The following ATRN variants were observed in gnomAD, a reference collection of about 807,000 sequenced individuals.
ATRN encodes attractin, also known as attractin-2.
Under a neutral mutation model 178.7 loss-of-function variants are expected in ATRN, and 54 were observed. The observed-to-expected ratio is 0.30, with a 90% CI of 0.24 to 0.38. ATRN has a LOEUF of 0.38. Ranked by LOEUF, ATRN falls within the 10% of genes least tolerant of loss-of-function variation. The pLI is 1.00. For synonymous variants in ATRN, 636 were observed against 663.0 expected, an observed-to-expected ratio of 0.96 and a Z score of 0.63; for missense variants, 1,443 against 1,815.1, an observed-to-expected ratio of 0.79 and a Z score of 3.73.
At chr20:3,620,935 C>T (rs2086892440) in intron 24 of ATRN, among the ~76,000 whole-genome samples, 1 of 152,200 alleles carries the variant, frequency 6.6e-6, no homozygotes, top group African/African-American at 2.4e-5. Context: ...GCTTTGAATG[C>T]AGCCCAACAC....
intron 1 of ATRN, among the ~76,000 whole-genome samples, chr20:3,521,135 T>C (rs1273031037): frequency 6.6e-6 from 1 of 152,108 alleles, no homozygotes; most frequent in Non-Finnish European, 1.5e-5. Flanking sequence ...GTTGAAAAAC[T>C]ACCTATTAGG....
At chr20:3,501,765 A>G (rs893944986) in intron 1 of ATRN, among the ~76,000 whole-genome samples, 10 of 152,212 alleles carry the variant, frequency 6.6e-5, no homozygotes, top group African/African-American at 2.2e-4. Flanking sequence ...ATGTGCGGCT[A>G]AGAGATTGAG....
intron 1 of ATRN, among the ~76,000 whole-genome samples, chr20:3,517,740 C>T (rs942024821): frequency 6.6e-6 from 1 of 151,572 alleles, no homozygotes; most frequent in Non-Finnish European, 1.5e-5. Flanking sequence ...CACTGCACTC[C>T]AGCCTGGGTG....
At position 3,565,311 on chromosome 20, in the gene ATRN, G is replaced by A. The variant is rs745310012; in HGVS notation, c.1787-37G>A. 1.1e-5 allele frequency: 17 copies of A among 1,514,166 alleles called. No individual in the cohort carries two copies. The African/African-American group carries it at 2.3e-4, about 21-fold the overall frequency. 93.8% of individuals were successfully genotyped at this position (1,514,166 alleles called of 1,614,324 possible). A position where few individuals can be genotyped will look rare whatever the true frequency, so the allele number is the denominator to read the frequency against. ...ATGTCAGGTCCTGTTGATTAGAAAT[G>A]GTAGTCCGTTTAAAAATATATTTTT... On this transcript the variant is annotated intron_variant, in intron 10 of 28. Transcript: ENST00000262919.
chr20:3,605,288 C>T (rs780944669), intron 24 of ATRN, among the ~76,000 whole-genome samples: 9 of 152,144 alleles, frequency 5.9e-5, no homozygotes, highest in Non-Finnish European at 1.2e-4. Context: ...GAAACAGGAA[C>T]GCTTTTACAC....
Position 3,540,253 on chromosome 20 carries a change from C to T in ATRN, c.526C>T (p.His176Tyr). The change falls in exon 3 of 29, where the codon CAT (histidine) becomes TAT (tyrosine). Residue 176 changes from histidine to tyrosine, a missense_variant. Physicochemically the swap from His to Tyr is moderately conservative, Grantham distance 83. Coordinates refer to ENST00000262919, the MANE Select transcript of ATRN (RefSeq NM_139321.3). ...TAGAATAATGAGACTTCGTTTCAAT[C>T]ATTTTGCTACAGAGTGTAGTTGGGA... The part of the protein sequence containing the change: ...PNRIMRLRFN[H>Y]FATECSWDHL... The T allele has an allele frequency of 6.2e-7, 1 of 1,602,934 alleles. No individual in the cohort carries two copies. The highest frequency in any genetic ancestry group is 8.5e-7 in the Non-Finnish European group (1 of 1,175,144).
rs1269362899 is a variant in ATRN, at chr20:3,493,068, A to G, written c.410+21551A>G. On this transcript the variant is annotated intron_variant, in intron 1 of 28. Coordinates refer to ENST00000262919, the MANE Select transcript of ATRN (RefSeq NM_139321.3). ...TAATTATATATGTATTATAGATTAT[A>G]TATTATATATAATTTAATATATATA... Among the ~76,000 whole-genome samples the G allele has an allele frequency of 5.5e-5, 8 of 146,526 alleles. No individual in the cohort carries two copies. In the Admixed American group the frequency reaches 5.5e-4, roughly 10 times the overall value.
intron 1 of ATRN, among the ~76,000 whole-genome samples, chr20:3,519,006 T>TATATATAAAAA (rs770584938): frequency 8.4e-6 from 1 of 119,492 alleles, no homozygotes; most frequent in African/African-American, 3.4e-5. Context: ...TCCTTATATA[T>TATATATAAAAA]AAAAAAAAAA....
intron 1 of ATRN, among the ~76,000 whole-genome samples, chr20:3,487,303 G>A (rs551418876): frequency 4.6e-5 from 7 of 152,026 alleles, no homozygotes; most frequent in African/African-American, 1.7e-4. Flanking sequence ...GCATGATCTC[G>A]GCTCACTGCA....
At chr20:3,494,751 G>GC (rs544696050) in intron 1 of ATRN, among the ~76,000 whole-genome samples, 111 of 152,298 alleles carry the variant, frequency 7.3e-4, no homozygotes, top group African/African-American at 2.5e-3. Flanking sequence ...TGGAAATACA[G>GC]CTTGGGCAGT....
At chr20:3,573,758 TTTTATTTA>T (rs34471940) in intron 12 of ATRN, among the ~76,000 whole-genome samples, 5,761 of 149,670 alleles carry the variant, frequency 0.038, 146 homozygotes, top group Non-Finnish European at 0.056. Context: ...TTTTATTTTA[TTTTATTTA>T]TTTATTTATT....
chr20:3,513,551 C>A (rs1179343105), intron 1 of ATRN, among the ~76,000 whole-genome samples: 1 of 152,126 alleles, frequency 6.6e-6, no homozygotes, highest in Non-Finnish European at 1.5e-5. Context: ...GTGATGCCTC[C>A]AGCTTTGTTC....
At chr20:3,622,594 A>G (rs1373058660) in intron 24 of ATRN, among the ~76,000 whole-genome samples, 7 of 152,248 alleles carry the variant, frequency 4.6e-5, no homozygotes, top group Admixed American at 4.6e-4. Flanking sequence ...TTGTCAGTCA[A>G]AGGTTGACCA....
In ATRN at chr20:3,651,010, TA is replaced by T. The variant is rs1407221378; in HGVS notation, c.*4165del. 1 of 152,648 alleles carries T rather than the reference TA, an allele frequency of 6.6e-6. No homozygotes were observed. The highest frequency in any genetic ancestry group is 1.5e-5 in the Non-Finnish European group (1 of 68,038). 9.5% of individuals were successfully genotyped at this position (152,648 alleles called of 1,614,324 possible). ...CTAATTTAAGCAGGAACAAGAGAAC[TA>T]AGGGAGGTCTGTGCATTTTAAACAC... On this transcript the variant is annotated 3_prime_UTR_variant, in exon 29 of 29. Transcript: ENST00000262919.
intron 4 of ATRN, 140 bp from the exon 5 acceptor site, chr20:3,547,144 G>A: frequency 1.4e-6 from 1 of 705,980 alleles, no homozygotes; most frequent in Non-Finnish European, 2.5e-6. Context: ...AACCCATTTG[G>A]ACTGAATCCT....
chr20:3,627,558 C>A (rs2086952108), intron 25 of ATRN, among the ~76,000 whole-genome samples: 1 of 152,014 alleles, frequency 6.6e-6, no homozygotes, highest in East Asian at 1.9e-4. Flanking sequence ...TATTGACAAA[C>A]CCCTGGCAAG....
rs1326810206 is a variant in ATRN, at chr20:3,497,521, T to C, written c.410+26004T>C. ...CTCTTCTGGCTTGTAGAGTTTCTGCTGAGAGATCAGCTGTTAGTCTGATGG... is the reference window on the plus strand; with the variant it reads ...CTCTTCTGGCTTGTAGAGTTTCTGCCGAGAGATCAGCTGTTAGTCTGATGG... On this transcript the variant is annotated intron_variant, in intron 1 of 28. Transcript: ENST00000262919. 6.3e-3 allele frequency among the ~76,000 whole-genome samples: 959 copies of C among 152,270 alleles called. 9 individuals carry two copies. Among genetic ancestry groups the C allele is most frequent in the African/African-American group, 0.021 (875 of 41,552 alleles).
At chr20:3,559,040 T>C (rs2085916540) in intron 6 of ATRN, among the ~76,000 whole-genome samples, 1 of 152,244 alleles carries the variant, frequency 6.6e-6, no homozygotes, top group Non-Finnish European at 1.5e-5. Context: ...CTTCAGTTTC[T>C]CATGATTAAA....
chr20:3,515,385 C>G (rs1193236104), intron 1 of ATRN, among the ~76,000 whole-genome samples: 1 of 152,034 alleles, frequency 6.6e-6, no homozygotes, highest in Non-Finnish European at 1.5e-5. Context: ...GGTAGAGAAG[C>G]GAGGCTACTT....
Sources: gnomAD v4.1 joint callset for allele counts (sites outside exome capture counted in the v4.1 genomes callset) on GRCh38, gnomAD v4.1.1 for gene constraint, MANE v1.5 for transcripts, NCBI Gene and HGNC (gene_info 2026-07-23, HGNC 2026-07-21) for gene names.